The following NEDD9 variants were observed in gnomAD, a reference collection of about 807,000 sequenced individuals.
The protein encoded by NEDD9 is enhancer of filamentation 1.
A neutral mutation model predicts 76.6 loss-of-function variants in NEDD9; 26 were observed. That is an observed-to-expected ratio of 0.34 (90% CI 0.25 to 0.47). The LOEUF is 0.47. Among genes scored for constraint, NEDD9 ranks in the 20% least tolerant of loss-of-function variants. The pLI is 1.00. For synonymous variants in NEDD9, 392 were observed against 414.2 expected, an observed-to-expected ratio of 0.95 and a Z score of 0.65; for missense variants, 937 against 1,058.5, an observed-to-expected ratio of 0.89 and a Z score of 1.59.
At chr6:11,344,799 AT>A (rs1762334922) in intron 1 of NEDD9, among the ~76,000 whole-genome samples, 1 of 152,226 alleles carries the variant, frequency 6.6e-6, no homozygotes, top group African/African-American at 2.4e-5. Flanking sequence ...ATTACTAAAA[AT>A]CCCTTTCATT....
At chr6:11,221,320 T>G (rs564925853) in intron 1 of NEDD9, among the ~76,000 whole-genome samples, 12 of 150,928 alleles carry the variant, frequency 8.0e-5, no homozygotes, top group Non-Finnish European at 1.8e-4. Context: ...GAGGCGGAGG[T>G]TGCAGTGAGC....
rs377360654 is a variant in NEDD9 at position 11,293,485 on chromosome 6, C to G, written c.12+12507G>C. On this transcript the variant is annotated intron_variant, in intron 3 of 3. Coordinates refer to the NEDD9 transcript ENST00000397378. ...TTCTATCCCCCCCTCTCAGCTTTAT[C>G]GAAGCATATTTGACAAATAAAAATT... is the stretch of plus-strand genomic sequence containing the variant. Among the ~76,000 whole-genome samples the G allele has an allele frequency of 2.6e-5, 4 of 152,172 alleles. No individual in the cohort carries two copies. The East Asian group carries it at 7.7e-4, about 29-fold the overall frequency.
At chr6:11,295,578 A>T (rs1376920248) in intron 3 of NEDD9, among the ~76,000 whole-genome samples, 4 of 152,012 alleles carry the variant, frequency 2.6e-5, no homozygotes, top group Non-Finnish European at 5.9e-5. Context: ...GGCACAGCAC[A>T]CCTCCTCCCT....
intron 1 of NEDD9, among the ~76,000 whole-genome samples, chr6:11,358,987 T>A (rs904415216): frequency 6.6e-6 from 1 of 152,206 alleles, no homozygotes; most frequent in African/African-American, 2.4e-5. Flanking sequence ...TTCTTAGTGG[T>A]GAGTCAGGAA....
chr6:11,328,092 C>T (rs995528238), intron 2 of NEDD9, among the ~76,000 whole-genome samples: 12 of 152,344 alleles, frequency 7.9e-5, no homozygotes, highest in African/African-American at 2.4e-4. Flanking sequence ...ATGGGTAGTA[C>T]TAGCATTCTA....
At chr6:11,323,880 T>G (rs1033255959) in intron 2 of NEDD9, among the ~76,000 whole-genome samples, 4 of 152,224 alleles carry the variant, frequency 2.6e-5, no homozygotes, top group African/African-American at 9.7e-5. Context: ...TTCTTAACGA[T>G]GATAAATCAG....
At chr6:11,229,850 T>C (rs966417866) in intron 1 of NEDD9, among the ~76,000 whole-genome samples, 2 of 152,250 alleles carry the variant, frequency 1.3e-5, no homozygotes, top group East Asian at 1.9e-4. Context: ...TCAGGATTAC[T>C]GCAAGTACCT....
Position 11,200,647 on chromosome 6 carries a change from A to G in NEDD9, c.460-6955T>C, listed in dbSNP as rs576489864. On this transcript the variant is annotated intron_variant, in intron 2 of 6. Coordinates refer to ENST00000379446, the MANE Select transcript of NEDD9 (RefSeq NM_006403.4). The stretch of plus-strand genomic sequence containing the variant: ...CATTCCTAAATTTAAGTCAGATAGA[A>G]AGAAATCAATCTTTAGGAATGTATA... 33 of 1,152,198 alleles carry G rather than the reference A, an allele frequency of 2.9e-5. 1 individual carries two copies. In the South Asian group the frequency reaches 7.3e-4, roughly 26 times the overall value. The allele number at this position is 1,152,198 out of a possible 1,614,324, so 71.4% of individuals were successfully genotyped here. A position where few individuals can be genotyped will look rare whatever the true frequency, so the allele number is the denominator to read the frequency against.
chr6:11,367,513 T>C (rs1245286025), intron 1 of NEDD9, among the ~76,000 whole-genome samples: 2 of 152,220 alleles, frequency 1.3e-5, no homozygotes, highest in Non-Finnish European at 2.9e-5. Context: ...AATGGATCAC[T>C]AGTCTAGAGG....
intron 3 of NEDD9, among the ~76,000 whole-genome samples, chr6:11,272,432 GCA>G (rs750809328): frequency 8.5e-5 from 13 of 152,192 alleles, no homozygotes; most frequent in Non-Finnish European, 1.9e-4. Context: ...CTGGCTACAT[GCA>G]CATTTGAACG....
intron 1 of NEDD9, among the ~76,000 whole-genome samples, chr6:11,214,555 G>A (rs1561791843): frequency 6.6e-6 from 1 of 152,148 alleles, no homozygotes; most frequent in Non-Finnish European, 1.5e-5. Flanking sequence ...CTCCGTCTTT[G>A]TATGAAGGCC....
In NEDD9 at chr6:11,185,078, T is replaced by A. The variant is rs768311652; in HGVS notation, c.*84A>T. The stretch of plus-strand genomic sequence containing the variant: ...TTTTTATATAAAATATCTACAAAAA[T>A]AGATAACATTTACAAAAACCAGACA... On this transcript the variant is annotated 3_prime_UTR_variant, in exon 7 of 7. Transcript: ENST00000379446. 3 of 1,415,396 alleles carry A rather than the reference T, an allele frequency of 2.1e-6. No individual in the cohort carries two copies. Among genetic ancestry groups the A allele is most frequent in the Non-Finnish European group, 9.5e-7 (1 of 1,051,898 alleles). The allele number at this position is 1,415,396 out of a possible 1,614,324, so 87.7% of individuals were successfully genotyped here.
rs753046561 is a variant in NEDD9, at chr6:11,300,266, T to C, written c.12+5726A>G. On this transcript the variant is annotated intron_variant, in intron 3 of 3. Transcript: ENST00000397378. ...CAAGTGGAAGAAAGGATATCAGTGA[T>C]TGAAGATCAAATTAATGAAATAAAG... is the stretch of plus-strand genomic sequence containing the variant. 1.4e-4 allele frequency among the ~76,000 whole-genome samples: 22 copies of C among 152,054 alleles called. 1 individual carries two copies. The highest frequency in any genetic ancestry group is 2.2e-4 in the Non-Finnish European group (15 of 68,032).
intron 1 of NEDD9, among the ~76,000 whole-genome samples, chr6:11,222,576 AT>A (rs1171428691): frequency 6.6e-6 from 1 of 152,264 alleles, no homozygotes; most frequent in Non-Finnish European, 1.5e-5. Context: ...TTACACGCAC[AT>A]GTTATACACC....
intron 3 of NEDD9, among the ~76,000 whole-genome samples, chr6:11,294,006 A>AGTGT (rs57803150): frequency 0.17 from 25,754 of 150,936 alleles, 2,260 homozygotes; most frequent in Middle Eastern, 0.22. Context: ...CCATTGTGTA[A>AGTGT]GTGTGTGTGT....
Position 11,286,838 on chromosome 6 carries a change from G to A in NEDD9, c.12+19154C>T, listed in dbSNP as rs567755279. ...GGGCTGGGGGTAGGAAGCAGCAGAG[G>A]TGGGATTACAAAGGGGCATGAGAAA... On this transcript the variant is annotated intron_variant, in intron 3 of 3. Coordinates refer to the NEDD9 transcript ENST00000397378. Among the ~76,000 whole-genome samples the A allele has an allele frequency of 2.0e-5, 3 of 152,306 alleles. No individual in the cohort carries two copies. In the East Asian group the frequency reaches 5.8e-4, roughly 29 times the overall value.
intron 2 of NEDD9, among the ~76,000 whole-genome samples, chr6:11,211,281 G>T (rs1758783385): frequency 6.6e-6 from 1 of 152,214 alleles, no homozygotes; most frequent in African/African-American, 2.4e-5. Flanking sequence ...GAGCCATGGG[G>T]AAAGCCTGCA....
rs907518323 is a variant in NEDD9, at chr6:11,237,690, G to A, written c.13-23963C>T. Among the ~76,000 whole-genome samples, 4 of 152,116 alleles carry A rather than the reference G, an allele frequency of 2.6e-5. No individual in the cohort carries two copies. The highest frequency in any genetic ancestry group is 5.9e-5 in the Non-Finnish European group (4 of 68,020). On this transcript the variant is annotated intron_variant, in intron 3 of 3. Coordinates refer to the NEDD9 transcript ENST00000397378. This position sits in a 1 kb window ranked among gnomAD's most constrained non-coding sequence, Gnocchi z 4.9. ...TAGGGATGTCTTTTGAGCTGTAATG[G>A]CAGACTCTGAGCACATGCCACAGAG...
intron 1 of NEDD9, among the ~76,000 whole-genome samples, chr6:11,362,759 A>G (rs1561847981): frequency 6.6e-6 from 1 of 152,246 alleles, no homozygotes; most frequent in East Asian, 1.9e-4. Context: ...ATTAAGTGGA[A>G]GTGCATTAGC....
Sources: gnomAD v4.1 joint callset for allele counts (sites outside exome capture counted in the v4.1 genomes callset) on GRCh38, gnomAD v4.1.1 for gene constraint, Gnocchi (gnomAD v3.1) non-coding constraint, MANE v1.5 for transcripts, NCBI Gene and HGNC (gene_info 2026-07-23, HGNC 2026-07-21) for gene names.